Variants in ARHGAP25 observed in about 807,000 individuals in gnomAD.
ARHGAP25 encodes Rho GTPase activating protein 25.
A neutral mutation model predicts 71.0 loss-of-function variants in ARHGAP25; 34 were observed. The ratio of observed to expected loss-of-function variants is 0.48; its 90% CI spans 0.36 to 0.64. ARHGAP25 has a LOEUF of 0.64. ARHGAP25 is among the 30% of genes least tolerant of loss of function. The pLI, the probability that ARHGAP25 is intolerant of heterozygous loss-of-function variation, is 0.00. For missense variants in ARHGAP25, 706 were observed against 805.1 expected, an observed-to-expected ratio of 0.88 and a Z score of 1.49; for synonymous variants, 282 against 296.5, an observed-to-expected ratio of 0.95 and a Z score of 0.50.
chr2:68,769,857 C>T (rs773880795), intron 1 of ARHGAP25, among the ~76,000 whole-genome samples: 6 of 152,064 alleles, frequency 3.9e-5, no homozygotes, highest in Non-Finnish European at 8.8e-5. Context: ...GGATAAAGAG[C>T]AGGATGGGCA....
chr2:68,720,972 C>G (rs889694079), intron 2 of ARHGAP25, among the ~76,000 whole-genome samples: 1 of 152,192 alleles, frequency 6.6e-6, no homozygotes, highest in Non-Finnish European at 1.5e-5. Flanking sequence ...CAGAAACACT[C>G]AAAGCACCCC....
intron 2 of ARHGAP25, among the ~76,000 whole-genome samples, chr2:68,720,311 T>A (rs1381522935): frequency 9.7e-6 from 1 of 102,892 alleles, no homozygotes. Context: ...TAGAAACATT[T>A]CAGTCAAAAA....
intron 9 of ARHGAP25, among the ~76,000 whole-genome samples, chr2:68,822,107 CACAA>C (rs375847279): frequency 1.3e-5 from 2 of 152,164 alleles, no homozygotes; most frequent in African/African-American, 4.8e-5. Flanking sequence ...ACTCTTTAAC[CACAA>C]ACAAACACTT....
chr2:68,766,412 C>T (rs377653515), intron 1 of ARHGAP25, among the ~76,000 whole-genome samples: 4 of 152,190 alleles, frequency 2.6e-5, no homozygotes, highest in African/African-American at 4.8e-5. Flanking sequence ...AGTGTTCTTC[C>T]GCAAGCTTCT....
chr2:68,798,704 A>G (rs1679749537), intron 4 of ARHGAP25, among the ~76,000 whole-genome samples: 1 of 152,226 alleles, frequency 6.6e-6, no homozygotes. Flanking sequence ...CTTCCTTGAA[A>G]TAGTGATGAT....
At chr2:68,750,145 C>T (rs12622624) in intron 1 of ARHGAP25, among the ~76,000 whole-genome samples, 102,574 of 150,578 alleles carry the variant, frequency 0.68, 35,390 homozygotes, top group South Asian at 0.77. Context: ...TAGCTGGGAC[C>T]ACAGGCGTGC....
At chr2:68,743,877 C>T (rs774349003) in intron 1 of ARHGAP25, among the ~76,000 whole-genome samples, 5 of 152,072 alleles carry the variant, frequency 3.3e-5, no homozygotes, top group Non-Finnish European at 7.4e-5. Flanking sequence ...TCGCTAGGCC[C>T]AGGGAAACAA....
rs151132270 is a variant in ARHGAP25 at position 68,782,257 on chromosome 2, A to T, written c.286A>T (p.Thr96Ser). The change falls in exon 3 of 11, where the codon ACA becomes TCA. Residue 96 changes from threonine (T) to serine (S), a missense_variant. Coordinates refer to ENST00000409202, the MANE Select transcript of ARHGAP25 (RefSeq NM_001007231.3). ...GGGCTGCATGTATCTACCAGGATGT[A>T]CAATCAAGGAGATCGCCACAAACCC... The part of the protein sequence containing the change: ...PQGCMYLPGC[T>S]IKEIATNPEE... 9.3e-6 allele frequency: 15 copies of T among 1,614,022 alleles called. No homozygotes were observed. The African/African-American group carries it at 1.3e-4, about 14-fold the overall frequency.
At chr2:68,787,517 A>G (rs865907867) in intron 3 of ARHGAP25, among the ~76,000 whole-genome samples, 1 of 152,254 alleles carries the variant, frequency 6.6e-6, no homozygotes, top group Non-Finnish European at 1.5e-5. Context: ...ACCCTGTCTC[A>G]TCTATGCTGA....
intron 7 of ARHGAP25, among the ~76,000 whole-genome samples, chr2:68,817,408 T>C (rs1280280887): frequency 6.6e-6 from 1 of 152,174 alleles, no homozygotes; most frequent in Non-Finnish European, 1.5e-5. Flanking sequence ...TTAGCAATGC[T>C]TGTGCTCTAA....
At chr2:68,747,054 G>C (rs1035364379) in intron 1 of ARHGAP25, among the ~76,000 whole-genome samples, 1 of 144,792 alleles carries the variant, frequency 6.9e-6, no homozygotes, top group African/African-American at 2.5e-5. Context: ...GTATCTTCTT[G>C]ACACAGGCTT....
rs1048068317 is a variant in ARHGAP25 at position 68,807,294 on chromosome 2, A to T, written c.488A>T (p.Asp163Val). The change falls in exon 5 of 11, where the codon GAT (aspartate) becomes GTT (valine). Residue 163 changes from aspartate to valine, a missense_variant. Transcript: ENST00000409202. ...TCAGCAGTGTTTGGCCAGCGCTTGG[A>T]TGAGACTGTGGCCTATGAACAGAAA... ...PCGAVFGQRL[D>V]ETVAYEQKFG... is the part of the protein sequence containing the mutation. 2 of 1,614,218 alleles carry T rather than the reference A, an allele frequency of 1.2e-6. No homozygotes were observed. The highest frequency in any genetic ancestry group is 1.7e-6 in the Non-Finnish European group (2 of 1,180,030).
chr2:68,808,478 C>T (rs1398175729), intron 5 of ARHGAP25, among the ~76,000 whole-genome samples: 1 of 152,190 alleles, frequency 6.6e-6, no homozygotes, highest in Admixed American at 6.5e-5. Context: ...ATGTTTCTCT[C>T]CATGCTTATG....
rs545055799 is a variant in ARHGAP25 at position 68,820,377 on chromosome 2, G to A, written c.1200+1058G>A. On this transcript the variant is annotated intron_variant, in intron 9 of 10. Coordinates refer to ENST00000409202, the MANE Select transcript of ARHGAP25 (RefSeq NM_001007231.3). ...TGTGTTATTGAGGAGCAGAAACTCA[G>A]AGAGGTTGAGCAGCTGGCCCAATGT... Among the ~76,000 whole-genome samples the A allele has an allele frequency of 9.1e-4, 138 of 152,328 alleles. 1 individual carries two copies. The South Asian group carries it at 0.028, about 31-fold the overall frequency.
At chr2:68,747,274 C>T (rs1047779329) in intron 1 of ARHGAP25, among the ~76,000 whole-genome samples, 7 of 152,170 alleles carry the variant, frequency 4.6e-5, no homozygotes, top group African/African-American at 1.4e-4. Context: ...CATGAAGTCT[C>T]CTTCTCTACC....
upstream of ARHGAP25, among the ~76,000 whole-genome samples, chr2:68,729,908 A>G (rs916685134): frequency 1.3e-5 from 2 of 152,220 alleles, no homozygotes; most frequent in African/African-American, 4.8e-5. Flanking sequence ...CTGAGGGGGG[A>G]AAAGGACTAG....
intron 2 of ARHGAP25, among the ~76,000 whole-genome samples, chr2:68,724,211 A>G (rs1674830606): frequency 6.6e-6 from 1 of 151,960 alleles, no homozygotes; most frequent in Admixed American, 6.6e-5. Context: ...TTCCAGGGAG[A>G]AAGCCTCAGT....
rs184621056 is a variant in ARHGAP25, at chr2:68,800,282, T to G, written c.467-6991T>G. Among the ~76,000 whole-genome samples, 23 of 152,062 alleles carry G rather than the reference T, an allele frequency of 1.5e-4. No individual in the cohort carries two copies. In the East Asian group the frequency reaches 4.5e-3, roughly 29 times the overall value. Reference sequence around the variant, plus strand: ...TGTCCTGATCTTAGGAGTGTTTCAGTGATGACAAAGGAGGACCAAGGTAGG... The same window carrying G: ...TGTCCTGATCTTAGGAGTGTTTCAGGGATGACAAAGGAGGACCAAGGTAGG... On this transcript the variant is annotated intron_variant, in intron 4 of 10. Coordinates refer to ENST00000409202, the MANE Select transcript of ARHGAP25 (RefSeq NM_001007231.3).
chr2:68,757,643 G>A (rs964218799), intron 1 of ARHGAP25: 1 of 152,094 alleles, frequency 6.6e-6, no homozygotes, highest in Non-Finnish European at 1.5e-5. Flanking sequence ...TGCAGTAAAT[G>A]CTAAAGGGAG....
Sources: allele counts gnomAD v4.1 joint callset (sites outside exome capture counted in the v4.1 genomes callset), GRCh38; gene constraint gnomAD v4.1.1; transcripts MANE v1.5; gene names NCBI Gene and HGNC (gene_info 2026-07-23, HGNC 2026-07-21).